FAM184B: variants seen among roughly 807,000 people sequenced by gnomAD.
FAM184B encodes the protein protein FAM184B.
In FAM184B, 111 loss-of-function variants were observed where a neutral mutation model predicts 135.9. The ratio of observed to expected loss-of-function variants is 0.82; its 90% CI spans 0.70 to 0.96. The LOEUF is 0.96. FAM184B is among the 40% of genes least tolerant of loss of function. FAM184B has a pLI of 0.00. For synonymous variants in FAM184B, 552 were observed against 524.8 expected (o/e 1.05, Z -0.71); for missense variants, 1,375 against 1,323.9 (o/e 1.04, Z -0.60).
intron 5 of FAM184B, among the ~76,000 whole-genome samples, chr4:17,699,073 A>T (rs1181252284): frequency 6.6e-6 from 1 of 152,110 alleles, no homozygotes; most frequent in African/African-American, 2.4e-5. Flanking sequence ...TGTAAAGAAG[A>T]ACAGAATGGA....
At chr4:17,646,065 A>C (rs1577244682) in intron 12 of FAM184B, among the ~76,000 whole-genome samples, 2 of 152,192 alleles carry the variant, frequency 1.3e-5, no homozygotes, top group East Asian at 3.8e-4. Flanking sequence ...TGATCATTAA[A>C]AAGTCAGGAA....
chr4:17,747,198 G>T (rs957127158), intron 1 of FAM184B, among the ~76,000 whole-genome samples: 1 of 152,072 alleles, frequency 6.6e-6, no homozygotes, highest in Non-Finnish European at 1.5e-5. Flanking sequence ...GAGCCAAGGT[G>T]ATCTCTTTAG....
At chr4:17,636,480 G>A (rs900660915) in intron 15 of FAM184B, 48 bp downstream of exon 15, 8 of 1,429,796 alleles carry the variant, frequency 5.6e-6, no homozygotes, top group Admixed American at 2.0e-5. Flanking sequence ...GGGGGAGCCC[G>A]CAGTGCCCGG....
chr4:17,768,144 C>CT (rs1560197314), intron 1 of FAM184B, among the ~76,000 whole-genome samples: 1 of 152,088 alleles, frequency 6.6e-6, no homozygotes. Flanking sequence ...GTTTCTTTTT[C>CT]TTTTTTTCTG....
chr4:17,692,998 G>A (rs917966049), intron 6 of FAM184B, among the ~76,000 whole-genome samples: 1 of 134,084 alleles, frequency 7.5e-6, no homozygotes, highest in Non-Finnish European at 1.6e-5. Context: ...AGGGGCGAAT[G>A]TAACCCTGGG....
intron 6 of FAM184B, 105 bp from the exon 7 acceptor site, chr4:17,688,636 A>C: frequency 2.3e-6 from 1 of 429,630 alleles, no homozygotes; most frequent in Non-Finnish European, 4.0e-6. Context: ...TGTTCTGGGG[A>C]GAGTGCCCCA....
intron 1 of FAM184B, among the ~76,000 whole-genome samples, chr4:17,724,413 G>A (rs1203143968): frequency 6.6e-6 from 1 of 152,210 alleles, no homozygotes; most frequent in Non-Finnish European, 1.5e-5. Context: ...CCTGGGAGAA[G>A]AAACAGATCC....
At chr4:17,641,350 T>A (rs1407365178) in intron 13 of FAM184B, among the ~76,000 whole-genome samples, 1 of 151,978 alleles carries the variant, frequency 6.6e-6, no homozygotes, top group Non-Finnish European at 1.5e-5. Context: ...CACCGCATGG[T>A]CTGAACTATT....
intron 11 of FAM184B, 73 bp from the exon 12 acceptor site, chr4:17,647,864 T>C: frequency 6.9e-7 from 1 of 1,458,308 alleles, no homozygotes; most frequent in Non-Finnish European, 9.2e-7. Flanking sequence ...GACAACAGTC[T>C]CTGGGGTGGG....
intron 1 of FAM184B, among the ~76,000 whole-genome samples, chr4:17,718,488 T>C (rs1717445662): frequency 2.0e-5 from 3 of 152,214 alleles, no homozygotes; most frequent in Non-Finnish European, 4.4e-5. Context: ...TGTGGCAGAC[T>C]ACATTATTTG....
At chr4:17,666,932 C>A (rs1716061902) in intron 7 of FAM184B, among the ~76,000 whole-genome samples, 1 of 151,800 alleles carries the variant, frequency 6.6e-6, no homozygotes, top group Non-Finnish European at 1.5e-5. Flanking sequence ...TTGCCCTACA[C>A]CCACTTTTTT....
chr4:17,741,814 T>C lies in FAM184B; in HGVS notation c.142-32170A>G, dbSNP rs4698654. On this transcript the variant is annotated intron_variant, in intron 1 of 17. Transcript: ENST00000265018. ...TCACAGAAAGACAAAGACCACATTA[T>C]GTCACTTCTATGAAGTATCTAAAAT... Among the ~76,000 whole-genome samples, 1,282 of 152,304 alleles carry C rather than the reference T, an allele frequency of 8.4e-3. 29 individuals are homozygous for C. Among genetic ancestry groups the C allele is most frequent in the Admixed American group, 0.046 (706 of 15,300 alleles).
intron 8 of FAM184B, 23 bp downstream of exon 8, chr4:17,664,539 G>T: frequency 6.6e-7 from 1 of 1,522,320 alleles, no homozygotes; most frequent in Non-Finnish European, 8.9e-7. Flanking sequence ...GGAGCACTCA[G>T]AAGTCTGCAT....
intron 1 of FAM184B, among the ~76,000 whole-genome samples, chr4:17,762,314 C>T (rs1718565492): frequency 6.6e-6 from 1 of 152,194 alleles, no homozygotes; most frequent in Non-Finnish European, 1.5e-5. Context: ...AAGAATGCCA[C>T]GTAACAAACT....
chr4:17,642,334 C>T, intron 12 of FAM184B, 106 bp from the exon 13 acceptor site: 4 of 1,377,490 alleles, frequency 2.9e-6, no homozygotes, highest in Non-Finnish European at 3.7e-6. Context: ...TGGCACCCCG[C>T]CCAGGCTGGA....
At chr4:17,633,139 C>G (rs935239333) in intron 17 of FAM184B, 2 of 154,512 alleles carry the variant, frequency 1.3e-5, no homozygotes, top group East Asian at 1.9e-4. Context: ...CCAGGCTGGT[C>G]TCGAACTCCT....
At chr4:17,643,753 C>G (rs28545485) in intron 12 of FAM184B, among the ~76,000 whole-genome samples, 1 of 152,080 alleles carries the variant, frequency 6.6e-6, no homozygotes, top group African/African-American at 2.4e-5. Flanking sequence ...CCATGTCCCC[C>G]GGTCCTTCAG....
rs929757061 is a variant in FAM184B at position 17,639,379 on chromosome 4, T to A, written c.2537A>T (p.Gln846Leu). ...RDQRRFLEET[Q>L]QAQRAREVET... ...CACCTCCCTGGCCCGCTGGGCTTGC[T>A]GAGTCTCCTCCAGGAACCTGTGGTG... Residue 846 changes from glutamine (Q) to leucine (L), a missense_variant, in exon 14 of 18, where the codon CAG becomes CTG. Transcript: ENST00000265018. 2.4e-5 allele frequency: 38 copies of A among 1,551,532 alleles called. No individual in the cohort carries two copies. The highest frequency in any genetic ancestry group is 3.3e-5 in the Non-Finnish European group (38 of 1,146,988).
intron 1 of FAM184B, among the ~76,000 whole-genome samples, chr4:17,744,681 T>C (rs533205321): frequency 2.0e-5 from 3 of 150,866 alleles, no homozygotes; most frequent in East Asian, 2.0e-4. Flanking sequence ...GATGGTGCCA[T>C]TGCACTCCAG....
Sources: allele counts gnomAD v4.1 joint callset (sites outside exome capture counted in the v4.1 genomes callset), GRCh38; gene constraint gnomAD v4.1.1; transcripts MANE v1.5; gene names NCBI Gene and HGNC (gene_info 2026-07-23, HGNC 2026-07-21).